Variants in CNTNAP2 observed in about 807,000 individuals in gnomAD.
CNTNAP2 encodes contactin associated protein 2, also known as contactin-associated protein-like 2.
CNTNAP2 carries 98 observed loss-of-function variants against 155.2 expected under a neutral mutation model. The observed-to-expected ratio is 0.63, with a 90% CI of 0.54 to 0.75. The LOEUF (loss-of-function observed/expected upper bound fraction) is 0.75, where lower values mean the gene tolerates loss of function less well. Ranked by LOEUF, CNTNAP2 falls within the 30% of genes least tolerant of loss-of-function variation. The pLI is 0.00. For synonymous variants in CNTNAP2, 651 were observed against 631.2 expected, an observed-to-expected ratio of 1.03 and a Z score of -0.47; for missense variants, 1,727 against 1,688.1, an observed-to-expected ratio of 1.02 and a Z score of -0.40.
At chr7:146,733,284 A>C (rs1417227948) in intron 1 of CNTNAP2, among the ~76,000 whole-genome samples, 1 of 152,148 alleles carries the variant, frequency 6.6e-6, no homozygotes, top group Non-Finnish European at 1.5e-5. Flanking sequence ...AAATTTACCT[A>C]TTTCCCATCA....
At chr7:148,285,866 A>G (rs1435267315) in intron 21 of CNTNAP2, among the ~76,000 whole-genome samples, 2 of 152,194 alleles carry the variant, frequency 1.3e-5, no homozygotes, top group African/African-American at 4.8e-5. Flanking sequence ...AAAATTTTGC[A>G]TACAACTTTT....
intron 14 of CNTNAP2, among the ~76,000 whole-genome samples, chr7:147,927,131 T>C (rs1800410420): frequency 6.6e-6 from 1 of 152,180 alleles, no homozygotes; most frequent in South Asian, 2.1e-4. Flanking sequence ...AAATATGCAT[T>C]TATTCTATTT....
At chr7:148,302,422 C>T (rs2116501656) in intron 21 of CNTNAP2, among the ~76,000 whole-genome samples, 1 of 152,294 alleles carries the variant, frequency 6.6e-6, no homozygotes, top group Non-Finnish European at 1.5e-5. Flanking sequence ...ATCTGTGCCT[C>T]CTTCTCCCTT....
intron 1 of CNTNAP2, among the ~76,000 whole-genome samples, chr7:146,656,331 A>G (rs1347620045): frequency 6.6e-6 from 1 of 152,224 alleles, no homozygotes; most frequent in Non-Finnish European, 1.5e-5. Flanking sequence ...TATTCATTTC[A>G]TCTTTCAAAT....
intron 3 of CNTNAP2, among the ~76,000 whole-genome samples, chr7:146,873,915 T>C (rs1795368120): frequency 6.6e-6 from 1 of 152,180 alleles, no homozygotes; most frequent in Non-Finnish European, 1.5e-5. Flanking sequence ...AAAGATATTA[T>C]ATATTTTCTT....
rs113295737 is a variant in CNTNAP2, at chr7:147,132,646, T to C, written c.1348+137T>C. The C allele has an allele frequency of 5.9e-6, 7 of 1,182,990 alleles. No homozygotes were observed. The African/African-American group carries it at 1.1e-4, about 18-fold the overall frequency. The allele number at this position is 1,182,990 out of a possible 1,614,324, so 73.3% of individuals were successfully genotyped here. Reference sequence around the variant, plus strand: ...TCAGATCTTCAAGACGCTTACTTGGTTGTAGTGTGTGCTGATTGAATAAAG... The same window carrying C: ...TCAGATCTTCAAGACGCTTACTTGGCTGTAGTGTGTGCTGATTGAATAAAG... On this transcript the variant is annotated intron_variant, in intron 8 of 23. Transcript: ENST00000361727.
At chr7:147,093,136 G>A (rs1026385308) in intron 4 of CNTNAP2, among the ~76,000 whole-genome samples, 2 of 150,774 alleles carry the variant, frequency 1.3e-5, no homozygotes, top group African/African-American at 2.4e-5. Context: ...AGCTACTCAG[G>A]AGGCTGAGGC....
intron 13 of CNTNAP2, among the ~76,000 whole-genome samples, chr7:147,643,673 T>C (rs1000658876): frequency 2.0e-5 from 3 of 152,194 alleles, no homozygotes; most frequent in Admixed American, 1.3e-4. Context: ...ACAAAGTATA[T>C]TCATTATAGT....
chr7:148,011,115 TAA>T (rs1434846034), intron 15 of CNTNAP2, among the ~76,000 whole-genome samples: 11 of 152,268 alleles, frequency 7.2e-5, no homozygotes, highest in East Asian at 3.9e-4. Context: ...ATTTACAATG[TAA>T]AAGTCAATAG....
Position 147,398,134 on chromosome 7 carries a change from A to G in CNTNAP2, c.1670+2354A>G, listed in dbSNP as rs185915926. Among the ~76,000 whole-genome samples the G allele has an allele frequency of 2.3e-3, 344 of 152,194 alleles. 1 individual carries two copies. Among genetic ancestry groups the G allele is most frequent in the Non-Finnish European group, 3.1e-3 (208 of 68,004 alleles). Reference sequence around the variant, plus strand: ...ACTTAAACCACTGAAGAGTGTATTGATGATATCACCCTTAATCTGTGTCTT... The same window carrying G: ...ACTTAAACCACTGAAGAGTGTATTGGTGATATCACCCTTAATCTGTGTCTT... On this transcript the variant is annotated intron_variant, in intron 10 of 23. Transcript: ENST00000361727.
chr7:147,649,042 A>G (rs1477339266), intron 13 of CNTNAP2, among the ~76,000 whole-genome samples: 4 of 152,108 alleles, frequency 2.6e-5, no homozygotes, highest in Non-Finnish European at 2.9e-5. Flanking sequence ...TAGAAATGCT[A>G]TTTACCAAGT....
At chr7:146,712,142 C>CA (rs1211846373) in intron 1 of CNTNAP2, among the ~76,000 whole-genome samples, 3 of 124,190 alleles carry the variant, frequency 2.4e-5, no homozygotes, top group African/African-American at 6.1e-5. Context: ...CTTATGTATA[C>CA]TATATAGTAT....
At chr7:146,808,593 C>T (rs1274842659) in intron 2 of CNTNAP2, among the ~76,000 whole-genome samples, 1 of 152,218 alleles carries the variant, frequency 6.6e-6, no homozygotes, top group Non-Finnish European at 1.5e-5. Context: ...TTTGTATGTA[C>T]GTTTGCAAGG....
chr7:147,621,440 G>T (rs1051494056), intron 12 of CNTNAP2, among the ~76,000 whole-genome samples: 1 of 151,946 alleles, frequency 6.6e-6, no homozygotes, highest in African/African-American at 2.4e-5. Context: ...TGAAGACATA[G>T]ACAGTACAAT....
chr7:146,242,708 G>C (rs1034874741), intron 1 of CNTNAP2, among the ~76,000 whole-genome samples: 1 of 151,988 alleles, frequency 6.6e-6, no homozygotes, highest in Non-Finnish European at 1.5e-5. Flanking sequence ...CCTTATTTTT[G>C]GAGTAAAGTG....
intron 1 of CNTNAP2, among the ~76,000 whole-genome samples, chr7:146,583,433 G>A (rs1156812772): frequency 2.0e-5 from 3 of 152,058 alleles, no homozygotes; most frequent in Non-Finnish European, 4.4e-5. Context: ...AGGGAATGAA[G>A]TTGAGCATGA....
intron 1 of CNTNAP2, among the ~76,000 whole-genome samples, chr7:146,305,142 T>C (rs998842118): frequency 6.6e-6 from 1 of 152,124 alleles, no homozygotes; most frequent in African/African-American, 2.4e-5. Context: ...AGGACTTCTC[T>C]ACACTGTTTA....
chr7:147,438,905 A>G (rs1431069857), intron 10 of CNTNAP2, among the ~76,000 whole-genome samples: 3 of 151,980 alleles, frequency 2.0e-5, no homozygotes, highest in Non-Finnish European at 4.4e-5. Context: ...GCCACTGATA[A>G]TCCTTTGAAT....
rs113631462 is a variant in CNTNAP2, at chr7:146,999,643, T to A, written c.403-44264T>A. 2.2e-3 allele frequency among the ~76,000 whole-genome samples: 327 copies of A among 151,810 alleles called. 2 individuals carry two copies. Among genetic ancestry groups the A allele is most frequent in the African/African-American group, 7.6e-3 (313 of 41,444 alleles). On this transcript the variant is annotated intron_variant, in intron 3 of 23. Coordinates refer to ENST00000361727, the MANE Select transcript of CNTNAP2 (RefSeq NM_014141.6). ...TTTATCTTATTTCTGAAAAACAGCTTTGCAGGGCATAGTATTTTTTGTTGA... is the reference window on the plus strand; with the variant it reads ...TTTATCTTATTTCTGAAAAACAGCTATGCAGGGCATAGTATTTTTTGTTGA...
Sources: allele counts gnomAD v4.1 joint callset (sites outside exome capture counted in the v4.1 genomes callset), GRCh38; gene constraint gnomAD v4.1.1; transcripts MANE v1.5; gene names NCBI Gene and HGNC (gene_info 2026-07-23, HGNC 2026-07-21).